The following ELP4 variants were observed in gnomAD, a reference collection of about 807,000 sequenced individuals.
The protein encoded by ELP4 is elongator acetyltransferase complex subunit 4, also known as elongator complex protein 4.
A neutral mutation model predicts 48.9 loss-of-function variants in ELP4; 51 were observed. That is an observed-to-expected ratio of 1.04 (90% CI 0.83 to 1.32). The LOEUF is 1.32. Ranked by LOEUF, ELP4 falls within the 40% of genes most tolerant of loss-of-function variation. The pLI is 0.00. For missense variants in ELP4, 519 were observed against 514.6 expected, an observed-to-expected ratio of 1.01 and a Z score of -0.08; for synonymous variants, 210 against 189.2, an observed-to-expected ratio of 1.11 and a Z score of -0.90.
intron 9 of ELP4, among the ~76,000 whole-genome samples, chr11:31,665,655 CTTTTTTTTTTTTT>C (rs71060496): frequency 1.8e-4 from 14 of 79,658 alleles, no homozygotes; most frequent in Non-Finnish European, 3.0e-4. Flanking sequence ...GTCTCTCTTC[CTTTTTTTTTTTTT>C]TTTTTTTTTT....
At chr11:31,579,001 C>A (rs1030210190) in intron 3 of ELP4, among the ~76,000 whole-genome samples, 4 of 152,172 alleles carry the variant, frequency 2.6e-5, no homozygotes, top group Non-Finnish European at 5.9e-5. Flanking sequence ...AGTGAACAGG[C>A]CACCTACAGA....
chr11:31,544,360 G>T (rs939257481), intron 3 of ELP4, among the ~76,000 whole-genome samples: 1 of 152,200 alleles, frequency 6.6e-6, no homozygotes, highest in African/African-American at 2.4e-5. Flanking sequence ...CCTGCACCTG[G>T]CTCGGAGGGT....
intron 9 of ELP4, among the ~76,000 whole-genome samples, chr11:31,732,826 T>C (rs1947220609): frequency 1.3e-5 from 2 of 152,198 alleles, no homozygotes; most frequent in Admixed American, 1.3e-4. Flanking sequence ...AGAAGGACAT[T>C]ACGTAATGAT....
intron 9 of ELP4, among the ~76,000 whole-genome samples, chr11:31,678,529 GTGTGTGTGTGTGTATA>G (rs2134118454): frequency 7.4e-6 from 1 of 134,524 alleles, no homozygotes; most frequent in South Asian, 2.5e-4. Flanking sequence ...GTGTGTGTGT[GTGTGTGTGTGTGTATA>G]TGTGCATTTT....
At chr11:31,714,984 TG>T in intron 9 of ELP4, 1 of 395,286 alleles carries the variant, frequency 2.5e-6, no homozygotes, top group Non-Finnish European at 4.5e-6. Flanking sequence ...CCAAAGACTG[TG>T]GTATGGACAT....
chr11:31,704,707 G>C (rs1246345891), intron 9 of ELP4, among the ~76,000 whole-genome samples: 1 of 151,856 alleles, frequency 6.6e-6, no homozygotes, highest in Non-Finnish European at 1.5e-5. Context: ...CACTACTCTT[G>C]TTTATGACTT....
chr11:31,554,929 A>G (rs1956906293), intron 3 of ELP4, among the ~76,000 whole-genome samples: 1 of 152,174 alleles, frequency 6.6e-6, no homozygotes, highest in Admixed American at 6.6e-5. Context: ...CAGATTTTAT[A>G]TTCAATATGT....
At chr11:31,702,345 T>C (rs186818260) in intron 9 of ELP4, among the ~76,000 whole-genome samples, 1 of 151,348 alleles carries the variant, frequency 6.6e-6, no homozygotes, top group South Asian at 2.1e-4. Flanking sequence ...ATAATAATAA[T>C]AACAATAATA....
chr11:31,738,873 A>G (rs898288526), intron 9 of ELP4, among the ~76,000 whole-genome samples: 22 of 152,238 alleles, frequency 1.4e-4, no homozygotes, highest in African/African-American at 5.1e-4. Flanking sequence ...AAAACAGTCA[A>G]ACAGTCAAAA....
intron 3 of ELP4, among the ~76,000 whole-genome samples, chr11:31,563,377 A>G (rs534191079): frequency 6.6e-6 from 1 of 152,266 alleles, no homozygotes; most frequent in Non-Finnish European, 1.5e-5. Context: ...AGAAGGGTCA[A>G]ACTGTTAGAA....
chr11:31,603,940 G>A, intron 5 of ELP4, 33 bp downstream of exon 5: 1 of 1,585,272 alleles, frequency 6.3e-7, no homozygotes, highest in Non-Finnish European at 8.6e-7. Context: ...AACAAAATCT[G>A]ATTTCAAATA....
rs1592311224 is a variant in ELP4, at chr11:31,783,425, A to G, written c.1176A>G (p.Thr392=). The G allele has an allele frequency of 2.5e-6, 4 of 1,614,066 alleles. No individual in the cohort carries two copies. The highest frequency in any genetic ancestry group is 3.4e-6 in the Non-Finnish European group (4 of 1,179,960). Residue 392 remains threonine (T), a synonymous_variant, in exon 10 of 10, where the codon ACA becomes ACG. Coordinates refer to ENST00000640961, the MANE Select transcript of ELP4 (RefSeq NM_019040.5). ...ATTTGCCTCCAGACTTGTCAGACAC[A>G]GTGAGCCGCTCAAGCAAAATGGATC... ...RLHLPPDLSD[T]VSRSSKMDLA...
intron 9 of ELP4, among the ~76,000 whole-genome samples, chr11:31,781,215 C>T (rs190410079): frequency 6.6e-6 from 1 of 152,240 alleles, no homozygotes; most frequent in Admixed American, 6.5e-5. Context: ...CACCATCTGA[C>T]GTCATTTGTC....
intron 3 of ELP4, 89 bp from the exon 4 acceptor site, chr11:31,594,681 G>T (rs1957643208): frequency 3.7e-6 from 3 of 816,192 alleles, no homozygotes; most frequent in Non-Finnish European, 5.4e-6. Context: ...CAATACATTG[G>T]AAATTTCTAG....
chr11:31,671,951 C>T (rs564523038), intron 9 of ELP4, among the ~76,000 whole-genome samples: 4 of 152,210 alleles, frequency 2.6e-5, no homozygotes, highest in East Asian at 1.9e-4. Context: ...TACAGTATTA[C>T]GGTTCTCTTA....
rs745648679 is a variant in ELP4, at chr11:31,627,075, C to G, written c.654-35C>G. On this transcript the variant is annotated intron_variant, in intron 5 of 9. Coordinates refer to ENST00000640961, the MANE Select transcript of ELP4 (RefSeq NM_019040.5). ...ATTGTGTACTTCTTATGTAATAACC[C>G]ATTTATGTATTTGAACCACTTCTTT... is the stretch of plus-strand genomic sequence containing the variant. 2.5e-6 allele frequency: 3 copies of G among 1,209,820 alleles called. No homozygotes were observed. In the South Asian group the frequency reaches 3.8e-5, roughly 15 times the overall value. The allele number at this position is 1,209,820 out of a possible 1,614,324, so 74.9% of individuals were successfully genotyped here. A position where few individuals can be genotyped will look rare whatever the true frequency, so the allele number is the denominator to read the frequency against.
At chr11:31,514,284 C>A (rs1187655036) in intron 1 of ELP4, among the ~76,000 whole-genome samples, 2 of 152,026 alleles carry the variant, frequency 1.3e-5, no homozygotes, top group Non-Finnish European at 2.9e-5. Context: ...CATAGAGAGA[C>A]CCTGGCTCTT....
intron 9 of ELP4, among the ~76,000 whole-genome samples, chr11:31,731,919 G>GA (rs922261550): frequency 6.0e-4 from 90 of 149,022 alleles, no homozygotes; most frequent in Non-Finnish European, 9.8e-4. Flanking sequence ...AGTGCTGAAT[G>GA]AAAAAAAAAA....
At chr11:31,672,813 T>C (rs970432375) in intron 9 of ELP4, among the ~76,000 whole-genome samples, 3 of 151,886 alleles carry the variant, frequency 2.0e-5, no homozygotes, top group Admixed American at 6.6e-5. Context: ...AATAATAAAA[T>C]AAGTAATCTT....
Sources: gnomAD v4.1 joint callset for allele counts (sites outside exome capture counted in the v4.1 genomes callset) on GRCh38, gnomAD v4.1.1 for gene constraint, MANE v1.5 for transcripts, NCBI Gene and HGNC (gene_info 2026-07-23, HGNC 2026-07-21) for gene names.